Variants in GPC5 observed in about 807,000 individuals in gnomAD.
GPC5 encodes glypican-5.
Under a neutral mutation model 53.9 loss-of-function variants are expected in GPC5, and 47 were observed. The ratio of observed to expected loss-of-function variants is 0.87; its 90% CI spans 0.69 to 1.11. The LOEUF is 1.11. Ranked by LOEUF, GPC5 falls within the 50% of genes most tolerant of loss-of-function variation. GPC5 has a pLI of 0.00. For missense variants in GPC5, 748 were observed against 713.1 expected (o/e 1.05, Z -0.56); for synonymous variants, 286 against 263.3 (o/e 1.09, Z -0.84).
At chr13:92,631,902 C>G (rs1218258270) in intron 7 of GPC5, among the ~76,000 whole-genome samples, 1 of 152,104 alleles carries the variant, frequency 6.6e-6, no homozygotes, top group Non-Finnish European at 1.5e-5. Context: ...TTTGTTTAGA[C>G]TTGGGTCTCA....
chr13:91,902,355 A>C (rs1316517058), intron 5 of GPC5, among the ~76,000 whole-genome samples: 3 of 152,010 alleles, frequency 2.0e-5, no homozygotes, highest in African/African-American at 7.3e-5. Context: ...GAGGGAACTA[A>C]GATCTTGTTA....
chr13:91,887,870 G>A (rs1209754211), intron 5 of GPC5, among the ~76,000 whole-genome samples: 1 of 152,114 alleles, frequency 6.6e-6, no homozygotes, highest in Non-Finnish European at 1.5e-5. Context: ...AGCTGTCCAA[G>A]TCTCTAGGAA....
intron 6 of GPC5, among the ~76,000 whole-genome samples, chr13:91,973,262 C>G (rs962817751): frequency 4.4e-4 from 67 of 152,216 alleles, no homozygotes; most frequent in Admixed American, 1.3e-4. Flanking sequence ...ATCTCATTGG[C>G]TCCTGAGGCT....
chr13:92,581,342 T>G (rs1883361821), intron 7 of GPC5, among the ~76,000 whole-genome samples: 1 of 152,206 alleles, frequency 6.6e-6, no homozygotes, highest in South Asian at 2.1e-4. Flanking sequence ...GTGCCTAGTT[T>G]ATTTTACGTA....
At chr13:92,594,765 C>T (rs1186156543) in intron 7 of GPC5, among the ~76,000 whole-genome samples, 1 of 152,128 alleles carries the variant, frequency 6.6e-6, no homozygotes, top group Non-Finnish European at 1.5e-5. Flanking sequence ...ATGAAACGTC[C>T]CCATTCCTAT....
chr13:92,269,094 T>C (rs549157918), intron 7 of GPC5, among the ~76,000 whole-genome samples: 4 of 152,120 alleles, frequency 2.6e-5, no homozygotes, highest in Admixed American at 2.0e-4. Context: ...TCATAATTAC[T>C]CTTATTTTGT....
At chr13:91,943,926 T>A (rs2039951141) in intron 6 of GPC5, among the ~76,000 whole-genome samples, 1 of 152,128 alleles carries the variant, frequency 6.6e-6, no homozygotes, top group Admixed American at 6.5e-5. Context: ...AATAATCTCC[T>A]GCAGCCTGTC....
intron 2 of GPC5, among the ~76,000 whole-genome samples, chr13:91,491,110 T>C (rs1237543801): frequency 6.6e-6 from 1 of 152,194 alleles, no homozygotes; most frequent in Admixed American, 6.5e-5. Context: ...TGAAATGATA[T>C]TAGTTATAGC....
chr13:92,712,875 A>G (rs1401638551), intron 7 of GPC5, among the ~76,000 whole-genome samples: 1 of 152,198 alleles, frequency 6.6e-6, no homozygotes, highest in Non-Finnish European at 1.5e-5. Context: ...CACATGGAAG[A>G]CCATGTGAAG....
intron 7 of GPC5, among the ~76,000 whole-genome samples, chr13:92,385,176 A>T (rs550901680): frequency 2.0e-4 from 30 of 151,852 alleles, no homozygotes; most frequent in African/African-American, 7.0e-4. Flanking sequence ...TGGCCAATTA[A>T]TTCTGAATAA....
intron 7 of GPC5, among the ~76,000 whole-genome samples, chr13:92,776,227 A>G (rs1274700224): frequency 2.6e-5 from 4 of 152,116 alleles, no homozygotes; most frequent in Non-Finnish European, 5.9e-5. Context: ...CTTCAAGGCC[A>G]GTAGTGTAGC....
intron 7 of GPC5, among the ~76,000 whole-genome samples, chr13:92,339,080 A>G (rs2043345669): frequency 6.6e-6 from 1 of 151,990 alleles, no homozygotes; most frequent in Admixed American, 6.6e-5. Context: ...ATGGCTTGAC[A>G]TAAGCTAGAT....
chr13:91,967,465 A>C (rs1202054569), intron 6 of GPC5, among the ~76,000 whole-genome samples: 2 of 152,120 alleles, frequency 1.3e-5, no homozygotes, highest in Non-Finnish European at 2.9e-5. Flanking sequence ...AGAATATTAA[A>C]ATGACCTATA....
chr13:92,588,751 G>T (rs1461913593), intron 7 of GPC5, among the ~76,000 whole-genome samples: 2 of 152,134 alleles, frequency 1.3e-5, no homozygotes, highest in Non-Finnish European at 2.9e-5. Flanking sequence ...ACAATAGCAT[G>T]TTTTTTATAA....
At chr13:92,363,415 A>G (rs1262746600) in intron 7 of GPC5, among the ~76,000 whole-genome samples, 1 of 151,694 alleles carries the variant, frequency 6.6e-6, no homozygotes, top group East Asian at 1.9e-4. Flanking sequence ...TGGTTTCAGG[A>G]TGAAACTGTT....
intron 6 of GPC5, among the ~76,000 whole-genome samples, chr13:92,108,884 A>G (rs1242635979): frequency 1.3e-5 from 2 of 152,090 alleles, no homozygotes; most frequent in Non-Finnish European, 2.9e-5. Flanking sequence ...TGTAATAGCC[A>G]TCGTATGTAA....
intron 6 of GPC5, chr13:91,995,570 G>A (rs2040496083): frequency 6.6e-6 from 1 of 152,088 alleles, no homozygotes; most frequent in Non-Finnish European, 1.5e-5. Flanking sequence ...CAGAACTGTG[G>A]TAAAATTTAA....
chr13:91,740,140 C>G (rs2036899415), intron 4 of GPC5, among the ~76,000 whole-genome samples: 1 of 152,140 alleles, frequency 6.6e-6, no homozygotes, highest in South Asian at 2.1e-4. Context: ...AAAGCACTCC[C>G]TGATGAGTTG....
intron 7 of GPC5, among the ~76,000 whole-genome samples, chr13:92,180,274 A>G (rs1245564111): frequency 2.6e-5 from 4 of 152,174 alleles, no homozygotes; most frequent in African/African-American, 4.8e-5. Flanking sequence ...TTCATTTCCA[A>G]TTGTTGGGTT....
Sources: allele counts gnomAD v4.1 joint callset (sites outside exome capture counted in the v4.1 genomes callset), GRCh38; gene constraint gnomAD v4.1.1; transcripts MANE v1.5; gene names NCBI Gene and HGNC (gene_info 2026-07-23, HGNC 2026-07-21).